NEK5: variants seen among roughly 807,000 people sequenced by gnomAD.
The protein encoded by NEK5 is serine/threonine-protein kinase Nek5.
A neutral mutation model predicts 109.2 loss-of-function variants in NEK5; 88 were observed. The ratio of observed to expected loss-of-function variants is 0.81; its 90% CI spans 0.68 to 0.96. The LOEUF is 0.96. Ranked by LOEUF, NEK5 falls within the 40% of genes least tolerant of loss-of-function variation. The probability of loss-of-function intolerance (pLI) is 0.00; values close to 1 mark genes in which losing one functional copy is unlikely to be tolerated. For missense variants in NEK5, 834 were observed against 920.7 expected, an observed-to-expected ratio of 0.91 and a Z score of 1.22; for synonymous variants, 283 against 299.9, an observed-to-expected ratio of 0.94 and a Z score of 0.58.
chr13:52,112,366 C>G lies in NEK5; in HGVS notation c.215-1G>C, dbSNP rs140625717. The stretch of plus-strand genomic sequence containing the variant: ...ATTACAATAAACAGCCTGCCATTCT[C>G]TGTAAGAAAAGGAATCATTTGGTGC... On this transcript the variant is annotated splice_acceptor_variant, in intron 4 of 23. Coordinates refer to ENST00000684899, the MANE Select transcript of NEK5 (RefSeq NM_001365552.1). LOFTEE classifies it high-confidence loss of function. 2 of 1,585,180 alleles carry G rather than the reference C, an allele frequency of 1.3e-6. No individual in the cohort carries two copies. The highest frequency in any genetic ancestry group is 2.7e-5 in the African/African-American group (2 of 74,432).
intron 23 of NEK5, among the ~76,000 whole-genome samples, chr13:52,042,787 T>A (rs958683965): frequency 6.6e-6 from 1 of 152,002 alleles, no homozygotes; most frequent in Non-Finnish European, 1.5e-5. Context: ...ATTAGAAATA[T>A]AATCTGTATC....
chr13:52,063,045 G>T (rs912696336), intron 21 of NEK5, among the ~76,000 whole-genome samples: 1 of 149,566 alleles, frequency 6.7e-6, no homozygotes, highest in Non-Finnish European at 1.5e-5. Context: ...CTCTCCCCAC[G>T]GTCCCCCTCT....
intron 17 of NEK5, among the ~76,000 whole-genome samples, chr13:52,077,341 T>C (rs2137823850): frequency 6.6e-6 from 1 of 152,274 alleles, no homozygotes; most frequent in East Asian, 1.9e-4. Flanking sequence ...AATAGATAAA[T>C]GGTTTTTAAT....
At chr13:52,077,787 C>CATG (rs1954895053) in intron 17 of NEK5, among the ~76,000 whole-genome samples, 1 of 152,120 alleles carries the variant, frequency 6.6e-6, no homozygotes, top group Admixed American at 6.6e-5. Flanking sequence ...AAGATTTGTA[C>CATG]ATGATAGCCA....
rs373781443 is a variant in NEK5 at position 52,103,716 on chromosome 13, G to C, written c.609+782C>G. Among the ~76,000 whole-genome samples, 143 of 152,312 alleles carry C rather than the reference G, an allele frequency of 9.4e-4. No homozygotes were observed. The Middle Eastern group carries it at 0.01, about 11-fold the overall frequency. On this transcript the variant is annotated intron_variant, in intron 9 of 23. Coordinates refer to ENST00000684899, the MANE Select transcript of NEK5 (RefSeq NM_001365552.1). Reference sequence around the variant, plus strand: ...TTTCTTTCCAGGAGTCTGGAAGTTTGGCATATGCCAGGTAGAGGGTGCCTA... The same window carrying C: ...TTTCTTTCCAGGAGTCTGGAAGTTTCGCATATGCCAGGTAGAGGGTGCCTA...
chr13:52,096,857 C>T (rs563218092), intron 12 of NEK5, among the ~76,000 whole-genome samples: 1 of 152,266 alleles, frequency 6.6e-6, no homozygotes, highest in South Asian at 2.1e-4. Flanking sequence ...ATTTCAGAGA[C>T]CTTTGAGGCA....
chr13:52,079,210 A>G (rs1051353224), intron 17 of NEK5, among the ~76,000 whole-genome samples: 1 of 152,152 alleles, frequency 6.6e-6, no homozygotes, highest in African/African-American at 2.4e-5. Context: ...CAGTAGAGAA[A>G]TAAGCATTTT....
chr13:52,037,527 T>C (rs780328671), intron 23 of NEK5, among the ~76,000 whole-genome samples: 1 of 152,148 alleles, frequency 6.6e-6, no homozygotes, highest in Non-Finnish European at 1.5e-5. Flanking sequence ...TATATGTCCA[T>C]CAATATCCTA....
At chr13:52,040,186 A>G (rs1435258166) in intron 23 of NEK5, among the ~76,000 whole-genome samples, 4 of 151,216 alleles carry the variant, frequency 2.6e-5, no homozygotes, top group Non-Finnish European at 4.4e-5. Context: ...CCAGGTTCAA[A>G]TGATTCTCCC....
At chr13:52,112,229 CACAT>C (rs1418790438) in intron 5 of NEK5, 35 bp downstream of exon 5, 7 of 1,075,476 alleles carry the variant, frequency 6.5e-6, no homozygotes, top group African/African-American at 1.6e-5. Flanking sequence ...CCCCCCACCA[CACAT>C]ACATAAAATT....
chr13:52,075,872 A>G, intron 18 of NEK5, 46 bp from the exon 19 acceptor site: 1 of 1,339,676 alleles, frequency 7.5e-7, no homozygotes, highest in Non-Finnish European at 1.0e-6. Context: ...ATTCAGTAAA[A>G]GCCTTAAAAT....
chr13:52,112,209 A>G, intron 5 of NEK5, 59 bp downstream of exon 5: 1 of 893,496 alleles, frequency 1.1e-6, no homozygotes, highest in Non-Finnish European at 1.8e-6. Flanking sequence ...GACATTATAA[A>G]TTTAATTCTC....
intron 8 of NEK5, among the ~76,000 whole-genome samples, chr13:52,104,890 T>A (rs777041212): frequency 1.3e-5 from 2 of 152,226 alleles, no homozygotes; most frequent in Non-Finnish European, 2.9e-5. Context: ...AACATGGATT[T>A]GTTTTGACTC....
Position 52,055,553 on chromosome 13 carries a change from T to G in NEK5, c.2111-5332A>C, listed in dbSNP as rs976735954. On this transcript the variant is annotated intron_variant, in intron 22 of 23. Transcript: ENST00000684899. ...AATGTTAAGGGCAGCCAGAGAGAAA[T>G]GTCAGGTTATCCTCAAAGGGAAGCC... Among the ~76,000 whole-genome samples the G allele has an allele frequency of 5.9e-5, 9 of 152,066 alleles. No individual in the cohort carries two copies. In the East Asian group the frequency reaches 1.4e-3, roughly 23 times the overall value.
intron 8 of NEK5, among the ~76,000 whole-genome samples, chr13:52,106,146 T>C (rs1031359994): frequency 6.6e-6 from 1 of 151,438 alleles, no homozygotes; most frequent in Non-Finnish European, 1.5e-5. Flanking sequence ...ACAACTAACT[T>C]GAGGCCAAAC....
chr13:52,104,584 A>G (rs369511691), intron 8 of NEK5, 32 bp from the exon 9 acceptor site: 3 of 1,442,186 alleles, frequency 2.1e-6, no homozygotes, highest in South Asian at 1.2e-5. Flanking sequence ...ATGCCAAGAA[A>G]ATATCCATAA....
Position 52,083,371 on chromosome 13 carries a change from A to T in NEK5, c.1480-19T>A, listed in dbSNP as rs773179422. 136 of 1,483,292 alleles carry T rather than the reference A, an allele frequency of 9.2e-5. No individual in the cohort carries two copies. The South Asian group carries it at 1.4e-3, about 16-fold the overall frequency. The allele number at this position is 1,483,292 out of a possible 1,614,324, so 91.9% of individuals were successfully genotyped here. ...AGTTCTCCTTTAACACAAATTATACACAGTCAACAAGATTGGTTCTGAGTG... is the reference window on the plus strand; with the variant it reads ...AGTTCTCCTTTAACACAAATTATACTCAGTCAACAAGATTGGTTCTGAGTG... On this transcript the variant is annotated intron_variant, in intron 16 of 23. Coordinates refer to ENST00000684899, the MANE Select transcript of NEK5 (RefSeq NM_001365552.1).
chr13:52,104,640 G>A (rs1312792020), intron 8 of NEK5, 88 bp from the exon 9 acceptor site: 10 of 875,280 alleles, frequency 1.1e-5, no homozygotes, highest in Non-Finnish European at 1.5e-5. Context: ...AATTTGTGTC[G>A]CTTTACAATT....
chr13:52,125,154 G>A (rs1956040261), intron 3 of NEK5, among the ~76,000 whole-genome samples: 1 of 152,166 alleles, frequency 6.6e-6, no homozygotes. Context: ...GAGCCTCCAA[G>A]GTGGTCTCAA....
Sources: gnomAD v4.1 joint callset for allele counts (sites outside exome capture counted in the v4.1 genomes callset) on GRCh38, gnomAD v4.1.1 for gene constraint, MANE v1.5 for transcripts, NCBI Gene and HGNC (gene_info 2026-07-23, HGNC 2026-07-21) for gene names.